Variants in DST observed in about 807,000 individuals in gnomAD.
DST encodes the protein dystonin.
DST carries 253 observed loss-of-function variants against 875.2 expected under a neutral mutation model. The observed-to-expected ratio is 0.29, with a 90% CI of 0.26 to 0.32. The LOEUF (loss-of-function observed/expected upper bound fraction) is 0.32, where lower values mean the gene tolerates loss of function less well. Ranked by LOEUF, DST falls within the 10% of genes least tolerant of loss-of-function variation. DST has a pLI of 1.00. For missense variants in DST, 8,287 were observed against 9,111.6 expected (o/e 0.91, Z 3.68); for synonymous variants, 3,124 against 3,197.1 (o/e 0.98, Z 0.77).
intron 27 of DST, 86 bp downstream of exon 27, chr6:56,634,046 C>A: frequency 1.3e-6 from 2 of 1,515,994 alleles, no homozygotes; most frequent in South Asian, 1.1e-5. Context: ...CCATCCTATT[C>A]TAAAGCAAAT....
At chr6:56,858,573 T>C (rs965755824) in intron 3 of DST, among the ~76,000 whole-genome samples, 1 of 152,212 alleles carries the variant, frequency 6.6e-6, no homozygotes, top group Non-Finnish European at 1.5e-5. Context: ...TATGCCACAT[T>C]CATTCATTCA....
chr6:56,476,645 C>G lies in DST; in HGVS notation c.21676-308G>C, dbSNP rs116117571. On this transcript the variant is annotated intron_variant, in intron 91 of 103. Transcript: ENST00000680361. ...TCAGGTAAGCTTACTCCATGTGGCA[C>G]AGAGTAGAAATGTAAAAAGCTAAGA... Among the ~76,000 whole-genome samples the G allele has an allele frequency of 3.3e-3, 501 of 152,268 alleles. 2 individuals carry two copies. The highest frequency in any genetic ancestry group is 0.014 in the Middle Eastern group (4 of 294).
At chr6:56,610,342 T>G (rs1240876186) in intron 39 of DST, 85 bp downstream of exon 39, 2 of 1,067,388 alleles carry the variant, frequency 1.9e-6, no homozygotes, top group African/African-American at 3.3e-5. Context: ...CAAGGTCATT[T>G]CTTTATTATT....
chr6:56,663,822 T>C (rs2099057301), intron 10 of DST, among the ~76,000 whole-genome samples: 1 of 152,186 alleles, frequency 6.6e-6, no homozygotes, highest in Admixed American at 6.5e-5. Context: ...AGTTCCTGGC[T>C]GCTTAATTAG....
At chr6:56,459,494 T>C (rs1024766434) in intron 103 of DST, among the ~76,000 whole-genome samples, 13 of 152,206 alleles carry the variant, frequency 8.5e-5, no homozygotes, top group South Asian at 4.1e-4. Context: ...AAGGTAAGTT[T>C]CGGCTTCCCC....
intron 90 of DST, among the ~76,000 whole-genome samples, chr6:56,481,154 A>C (rs1226165154): frequency 6.6e-6 from 1 of 152,220 alleles, no homozygotes; most frequent in Admixed American, 6.5e-5. Flanking sequence ...AGAGGGTGTT[A>C]ATTAACATAA....
chr6:56,710,217 G>A (rs2099357740), intron 5 of DST, among the ~76,000 whole-genome samples: 1 of 152,150 alleles, frequency 6.6e-6, no homozygotes, highest in Non-Finnish European at 1.5e-5. Context: ...GAAACTGGAA[G>A]AGTCATTCCA....
At chr6:56,676,665 T>C (rs893562118) in intron 9 of DST, among the ~76,000 whole-genome samples, 1 of 144,090 alleles carries the variant, frequency 6.9e-6, no homozygotes, top group Non-Finnish European at 1.5e-5. Flanking sequence ...AAATGTGATA[T>C]ATACAAACAA....
intron 90 of DST, among the ~76,000 whole-genome samples, chr6:56,481,116 G>T (rs531516114): frequency 6.6e-6 from 1 of 152,022 alleles, no homozygotes; most frequent in Non-Finnish European, 1.5e-5. Context: ...ATATTTCATC[G>T]CTATAGATTC....
At chr6:56,845,091 G>A (rs2099805735) in intron 4 of DST, among the ~76,000 whole-genome samples, 1 of 152,160 alleles carries the variant, frequency 6.6e-6, no homozygotes, top group Non-Finnish European at 1.5e-5. Flanking sequence ...TTTAGGAGGT[G>A]GGGTCTCACT....
rs1344296245 is a variant in DST, at chr6:56,604,649, G to T, written c.9979C>A (p.Leu3327Ile). Residue 3327 changes from leucine to isoleucine, a missense_variant, in exon 40 of 104, where the codon CTA becomes ATA. Leu to Ile is a conservative substitution (Grantham distance 5). This residue lies in a region of DST where 3,138 missense variants were observed against 3,116.6 expected (regional missense o/e 1.01). Transcript: ENST00000680361. ...GGAGACAAGGCTTGTTCTTTTGGTA[G>T]CTGTTGCTCAATTCTTTCTTTCTTA... ...NNKKERIEQQ[L>I]PKEQALSPRS... The T allele has an allele frequency of 6.2e-7, 1 of 1,612,296 alleles. No individual in the cohort carries two copies. The highest frequency in any genetic ancestry group is 2.2e-5 in the East Asian group (1 of 44,874).
intron 4 of DST, among the ~76,000 whole-genome samples, chr6:56,777,984 T>C (rs2099682611): frequency 6.6e-6 from 1 of 152,124 alleles, no homozygotes; most frequent in Non-Finnish European, 1.5e-5. Flanking sequence ...ATTACAGGCA[T>C]GAGCCACTGC....
intron 88 of DST, 55 bp downstream of exon 88, chr6:56,485,257 C>T: frequency 6.3e-7 from 1 of 1,589,476 alleles, no homozygotes; most frequent in Non-Finnish European, 8.6e-7. Flanking sequence ...TTTACATTTC[C>T]TGTACACTCA....
At chr6:56,570,323 TA>T (rs2097760628) in intron 53 of DST, among the ~76,000 whole-genome samples, 1 of 152,168 alleles carries the variant, frequency 6.6e-6, no homozygotes, top group Admixed American at 6.5e-5. Context: ...TAATATATAT[TA>T]AAATAATTAT....
chr6:56,462,979 G>C, intron 102 of DST, 67 bp downstream of exon 102: 1 of 864,872 alleles, frequency 1.2e-6, no homozygotes, highest in South Asian at 1.7e-5. Context: ...GTGGTGCAAC[G>C]ATGTTAGTGA....
In DST at chr6:56,466,055, TATCATGATAAGC is replaced by T; in HGVS notation, c.22687+11_22687+22del. On this transcript the variant is annotated intron_variant, in intron 99 of 103. Coordinates refer to ENST00000680361, the MANE Select transcript of DST (RefSeq NM_001374736.1). ...TAAAATTGAAATACTTTCATGATGT[TATCATGATAAGC>T]ATCTCCTTACCCCTGCAAGGATCAT... is the stretch of plus-strand genomic sequence containing the variant. The T allele has an allele frequency of 6.6e-7, 1 of 1,526,406 alleles. No individual in the cohort carries two copies. The highest frequency in any genetic ancestry group is 9.0e-7 in the Non-Finnish European group (1 of 1,106,648). The allele number at this position is 1,526,406 out of a possible 1,614,324, so 94.6% of individuals were successfully genotyped here. A position where few individuals can be genotyped will look rare whatever the true frequency, so the allele number is the denominator to read the frequency against.
chr6:56,737,044 A>G (rs1224306722), intron 4 of DST, among the ~76,000 whole-genome samples: 1 of 152,098 alleles, frequency 6.6e-6, no homozygotes. Flanking sequence ...AAATACAAAA[A>G]TTAGCCAGAC....
intron 88 of DST, 30 bp downstream of exon 88, chr6:56,485,282 G>GATAAAAT: frequency 6.2e-7 from 1 of 1,611,548 alleles, no homozygotes; most frequent in Non-Finnish European, 8.5e-7. Context: ...AATCAAACAA[G>GATAAAAT]ATAAAATAAA....
intron 95 of DST, 82 bp downstream of exon 95, chr6:56,471,024 A>G: frequency 3.6e-6 from 5 of 1,379,338 alleles, no homozygotes; most frequent in Non-Finnish European, 9.9e-7. Flanking sequence ...TTGTAACACA[A>G]GTTTACCAGA....
Sources: gnomAD v4.1 joint callset for allele counts (sites outside exome capture counted in the v4.1 genomes callset) on GRCh38, gnomAD v4.1.1 for gene constraint, gnomAD v4.1.1 regional missense constraint, MANE v1.5 for transcripts, NCBI Gene and HGNC (gene_info 2026-07-23, HGNC 2026-07-21) for gene names.